The following FRAS1 variants were observed in gnomAD, a reference collection of about 807,000 sequenced individuals.
FRAS1 encodes Fraser extracellular matrix complex subunit 1.
In FRAS1, 290 loss-of-function variants were observed where a neutral mutation model predicts 435.2. The observed-to-expected ratio is 0.67, with a 90% CI of 0.61 to 0.73. The LOEUF is 0.73. Ranked by LOEUF, FRAS1 falls within the 30% of genes least tolerant of loss-of-function variation. The probability of loss-of-function intolerance (pLI) is 0.00; values close to 1 mark genes in which losing one functional copy is unlikely to be tolerated. For synonymous variants in FRAS1, 1,800 were observed against 1,851.0 expected (o/e 0.97, Z 0.71); for missense variants, 4,860 against 5,001.5 (o/e 0.97, Z 0.85).
chr4:78,176,346 G>T (rs184815986), intron 2 of FRAS1, among the ~76,000 whole-genome samples: 19 of 151,964 alleles, frequency 1.3e-4, no homozygotes, highest in Non-Finnish European at 2.1e-4. Context: ...TAATCATTGC[G>T]CCCCTCCCAT....
chr4:78,255,367 T>C lies in FRAS1; in HGVS notation c.595T>C (p.Cys199Arg). 6.3e-7 allele frequency: 1 copy of C among 1,592,272 alleles called. No individual in the cohort carries two copies. ...CFTAQCQPLFCNQDETVVRVP... is the reference protein window; with the variant it reads ...CFTAQCQPLFRNQDETVVRVP... ...CACAGCTCAGTGTCAGCCTCTATTT[T>C]GTAACCAGGTAAGGAAGACAACCTC... Residue 199 changes from cysteine (C) to arginine (R), a missense_variant, in exon 6 of 74, where the codon TGT becomes CGT. By Grantham distance (180) the Cys-to-Arg change is radical. Coordinates refer to ENST00000512123, the MANE Select transcript of FRAS1 (RefSeq NM_025074.7).
At chr4:78,426,247 G>A (rs1357826266) in intron 35 of FRAS1, among the ~76,000 whole-genome samples, 2 of 152,176 alleles carry the variant, frequency 1.3e-5, no homozygotes, top group African/African-American at 4.8e-5. Context: ...ATGGTAGTAT[G>A]CCATTTTGGT....
chr4:78,338,686 G>A (rs995677656), intron 20 of FRAS1, among the ~76,000 whole-genome samples: 14 of 152,312 alleles, frequency 9.2e-5, no homozygotes, highest in Admixed American at 9.1e-4. Context: ...CAGGCTGTCA[G>A]GCTTGTTCTG....
intron 2 of FRAS1, among the ~76,000 whole-genome samples, chr4:78,178,153 G>A (rs978473729): frequency 6.6e-6 from 1 of 152,078 alleles, no homozygotes; most frequent in African/African-American, 2.4e-5. Context: ...CTGTCTTCTT[G>A]TGGCTGTTTT....
intron 5 of FRAS1, among the ~76,000 whole-genome samples, chr4:78,253,179 C>T (rs375727267): frequency 9.2e-5 from 14 of 152,284 alleles, no homozygotes; most frequent in African/African-American, 3.1e-4. Flanking sequence ...ATCTCTCTTA[C>T]TTGCACGTCC....
chr4:78,098,691 G>A (rs763611493), intron 2 of FRAS1, among the ~76,000 whole-genome samples: 8 of 152,186 alleles, frequency 5.3e-5, no homozygotes, highest in African/African-American at 1.7e-4. Flanking sequence ...ATGCACTAAC[G>A]TGTGAGTGAT....
chr4:78,455,427 G>C (rs7668537), intron 47 of FRAS1, among the ~76,000 whole-genome samples: 2 of 151,388 alleles, frequency 1.3e-5, no homozygotes, highest in African/African-American at 4.9e-5. Context: ...AGGAGGGAGG[G>C]GGTTCTGTTA....
chr4:78,136,371 A>G (rs76779912), intron 2 of FRAS1, among the ~76,000 whole-genome samples: 2 of 152,162 alleles, frequency 1.3e-5, no homozygotes, highest in Non-Finnish European at 2.9e-5. Context: ...ATGTCCATCA[A>G]TGACCGTGAA....
chr4:78,307,927 G>A, intron 14 of FRAS1, 139 bp from the exon 15 acceptor site: 2 of 769,096 alleles, frequency 2.6e-6, no homozygotes, highest in Non-Finnish European at 2.0e-6. Flanking sequence ...TTGTCCTGAG[G>A]TGTACATGTG....
In FRAS1 at chr4:78,252,480, T is replaced by G; in HGVS notation, c.398T>G (p.Leu133Arg). The change falls in exon 5 of 74, where the codon CTG (leucine) becomes CGG (arginine). Residue 133 changes from leucine (L) to arginine (R), a missense_variant. Coordinates refer to ENST00000512123, the MANE Select transcript of FRAS1 (RefSeq NM_025074.7). ...VRCTPQPCPP[L>R]SCGHQELAFI... The stretch of plus-strand genomic sequence containing the variant: ...TGTACCCCCCAACCATGCCCACCGC[T>G]GTCATGTGGACACCAGGAGCTGGCA... The G allele has an allele frequency of 1.9e-6, 3 of 1,613,824 alleles. No individual in the cohort carries two copies. Among genetic ancestry groups the G allele is most frequent in the Non-Finnish European group, 2.5e-6 (3 of 1,179,826 alleles).
chr4:78,487,455 T>C (rs1720205379), intron 58 of FRAS1, among the ~76,000 whole-genome samples: 1 of 152,010 alleles, frequency 6.6e-6, no homozygotes, highest in African/African-American at 2.4e-5. Context: ...TCTGGGTTGG[T>C]GGGGTGTGTC....
intron 2 of FRAS1, among the ~76,000 whole-genome samples, chr4:78,179,071 C>T (rs1158224485): frequency 1.3e-5 from 2 of 152,174 alleles, no homozygotes; most frequent in Non-Finnish European, 2.9e-5. Flanking sequence ...GGGCTACTCA[C>T]GTATCAGGAA....
chr4:78,292,122 T>C (rs1303336417), intron 14 of FRAS1, among the ~76,000 whole-genome samples: 2 of 152,210 alleles, frequency 1.3e-5, no homozygotes, highest in East Asian at 3.8e-4. Context: ...AACCATTCCT[T>C]TATTTTTCAA....
Position 78,470,062 on chromosome 4 carries a change from C to G in FRAS1, c.7342C>G (p.Leu2448Val). ...GCCTAGAATTGTCACCAACCTGGGA[C>G]TCCAGTGGCTGGAATACATGGATGG... The part of the protein sequence containing the change: ...GTPRIVTNLG[L>V]QWLEYMDGKA... The change falls in exon 51 of 74, where the codon CTC becomes GTC. Residue 2448 changes from leucine (L) to valine (V), a missense_variant. Transcript: ENST00000512123. 1 of 1,613,392 alleles carries G rather than the reference C, an allele frequency of 6.2e-7. No individual in the cohort carries two copies. Among genetic ancestry groups the G allele is most frequent in the African/African-American group, 1.3e-5 (1 of 75,022 alleles).
chr4:78,090,442 A>G (rs1741458620), intron 2 of FRAS1, among the ~76,000 whole-genome samples: 1 of 152,162 alleles, frequency 6.6e-6, no homozygotes, highest in Admixed American at 6.6e-5. Flanking sequence ...TATTTTTTCT[A>G]TTGATTTTTT....
intron 20 of FRAS1, among the ~76,000 whole-genome samples, chr4:78,344,521 A>AATGTGATTCCAGAGTC (rs1316182341): frequency 2.3e-5 from 3 of 131,408 alleles, no homozygotes; most frequent in African/African-American, 1.1e-4. Flanking sequence ...ATTCCAGAGT[A>AATGTGATTCCAGAGTC]CTCAACCATT....
At chr4:78,416,678 G>A (rs1239405491) in intron 32 of FRAS1, among the ~76,000 whole-genome samples, 1 of 152,190 alleles carries the variant, frequency 6.6e-6, no homozygotes, top group African/African-American at 2.4e-5. Flanking sequence ...GTGGGCTGGG[G>A]CAGGTCACGC....
intron 2 of FRAS1, among the ~76,000 whole-genome samples, chr4:78,194,095 T>C (rs910098608): frequency 2.0e-5 from 3 of 152,344 alleles, no homozygotes; most frequent in Middle Eastern, 3.4e-3. Context: ...TGTTGAATAT[T>C]GGCCCCCACT....
chr4:78,468,563 G>A (rs995534576), intron 50 of FRAS1, among the ~76,000 whole-genome samples: 4 of 151,990 alleles, frequency 2.6e-5, no homozygotes, highest in Non-Finnish European at 4.4e-5. Context: ...CTTTTCTCTT[G>A]AGGTTGTGCA....
Sources: allele counts gnomAD v4.1 joint callset (sites outside exome capture counted in the v4.1 genomes callset), GRCh38; gene constraint gnomAD v4.1.1; transcripts MANE v1.5; gene names NCBI Gene and HGNC (gene_info 2026-07-23, HGNC 2026-07-21).